The following ELAVL4 variants were observed in gnomAD, a reference collection of about 807,000 sequenced individuals.
The protein encoded by ELAVL4 is ELAV-like protein 4.
ELAVL4 carries 1 observed loss-of-function variant against 35.6 expected under a neutral mutation model. The ratio of observed to expected loss-of-function variants is 0.03; its 90% CI spans 0.01 to 0.13. The LOEUF is 0.13. ELAVL4 is among the 10% of genes least tolerant of loss of function. The pLI, the probability that ELAVL4 is intolerant of heterozygous loss-of-function variation, is 1.00. For synonymous variants in ELAVL4, 156 were observed against 171.0 expected, an observed-to-expected ratio of 0.91 and a Z score of 0.69; for missense variants, 267 against 464.9, an observed-to-expected ratio of 0.57 and a Z score of 3.91.
chr1:50,114,960 C>T (rs1667697699), intron 1 of ELAVL4: 2 of 152,054 alleles, frequency 1.3e-5, no homozygotes, highest in African/African-American at 4.8e-5. Context: ...TATGCTTTCC[C>T]TTGCACATTA....
chr1:50,147,004 G>A (rs538950682), intron 2 of ELAVL4, among the ~76,000 whole-genome samples: 1 of 152,148 alleles, frequency 6.6e-6, no homozygotes, highest in South Asian at 2.1e-4. Context: ...GAATAGGAGT[G>A]ACAGCTTCGA....
chr1:50,071,853 G>A (rs1337981195), intron 1 of ELAVL4, among the ~76,000 whole-genome samples: 1 of 152,006 alleles, frequency 6.6e-6, no homozygotes, highest in East Asian at 1.9e-4. Context: ...ACCACATAAG[G>A]GTGTTGAAAA....
At chr1:50,172,138 G>T (rs1679119948) in intron 2 of ELAVL4, among the ~76,000 whole-genome samples, 1 of 152,144 alleles carries the variant, frequency 6.6e-6, no homozygotes, top group Non-Finnish European at 1.5e-5. Context: ...AAATGCTGAG[G>T]TTCTTTCTGG....
In ELAVL4 at chr1:50,109,019, C is replaced by CGGGGGG; in HGVS notation, c.-171_-170insGGGGGG. 7 of 531,376 alleles carry CGGGGGG rather than the reference C, an allele frequency of 1.3e-5. No homozygotes were observed. The highest frequency in any genetic ancestry group is 2.3e-5 in the African/African-American group (1 of 44,080). The allele number at this position is 531,376 out of a possible 1,614,324, so 32.9% of individuals were successfully genotyped here. ...CTTTTCTTTTTTTTCTTTCTCTCCC[C>CGGGGGG]CGCCCACCCCCCCAAAAATAATTGA... On this transcript the variant is annotated 5_prime_UTR_variant, in exon 1 of 7. Transcript: ENST00000371824.
intron 3 of ELAVL4, chr1:50,181,051 A>G (rs1467813860): frequency 6.6e-6 from 1 of 152,160 alleles, no homozygotes; most frequent in African/African-American, 2.4e-5. Context: ...TATACAGGTG[A>G]GGAAACTGAG....
chr1:50,092,597 C>T (rs1665544354), intron 1 of ELAVL4, among the ~76,000 whole-genome samples: 1 of 152,188 alleles, frequency 6.6e-6, no homozygotes, highest in Non-Finnish European at 1.5e-5. Context: ...ATTATGTACT[C>T]TTGCCTTATT....
intron 1 of ELAVL4, among the ~76,000 whole-genome samples, chr1:50,111,027 A>G (rs1251609604): frequency 6.6e-6 from 1 of 152,070 alleles, no homozygotes; most frequent in Admixed American, 6.6e-5. Context: ...GGCCAGCCCA[A>G]CTTTAATTAT....
chr1:50,181,978 C>A (rs1054343526), intron 3 of ELAVL4, among the ~76,000 whole-genome samples: 1 of 152,214 alleles, frequency 6.6e-6, no homozygotes, highest in Admixed American at 6.5e-5. Context: ...CCACCGCGCC[C>A]GGCTAGCTTT....
intron 1 of ELAVL4, among the ~76,000 whole-genome samples, chr1:50,067,686 A>G (rs918147050): frequency 6.6e-6 from 1 of 152,184 alleles, no homozygotes; most frequent in Non-Finnish European, 1.5e-5. Context: ...TGTAAATAAC[A>G]AGCTTATTGT....
At chr1:50,153,755 T>C (rs762890908) in intron 2 of ELAVL4, among the ~76,000 whole-genome samples, 1 of 152,142 alleles carries the variant, frequency 6.6e-6, no homozygotes, top group Non-Finnish European at 1.5e-5. Context: ...AATGTAATAG[T>C]TTTTGGAGAT....
intron 1 of ELAVL4, among the ~76,000 whole-genome samples, chr1:50,129,051 C>A (rs1248945960): frequency 1.3e-5 from 2 of 152,078 alleles, no homozygotes; most frequent in Non-Finnish European, 2.9e-5. Context: ...AACGTACTTA[C>A]AAAATCCTCT....
At chr1:50,110,303 C>T (rs1020317863) in intron 1 of ELAVL4, among the ~76,000 whole-genome samples, 1 of 151,978 alleles carries the variant, frequency 6.6e-6, no homozygotes, top group Admixed American at 6.6e-5. Flanking sequence ...GAGCCTTCAA[C>T]GGAATTACAC....
At chr1:50,073,633 GATACACACACAC>G (rs1436299685) in intron 1 of ELAVL4, among the ~76,000 whole-genome samples, 11 of 151,936 alleles carry the variant, frequency 7.2e-5, no homozygotes, top group Non-Finnish European at 1.0e-4. Context: ...CCTTTTAGTG[GATACACACACAC>G]ATGCACAAAC....
chr1:50,197,551 A>G, intron 6 of ELAVL4, 84 bp downstream of exon 6: 1 of 1,231,430 alleles, frequency 8.1e-7, no homozygotes, highest in South Asian at 2.0e-5. Flanking sequence ...CACTAACTTT[A>G]CTTTAAAAGA....
intron 2 of ELAVL4, 73 bp downstream of exon 2, chr1:50,145,270 G>C (rs1322641414): frequency 6.3e-7 from 1 of 1,593,386 alleles, no homozygotes; most frequent in Non-Finnish European, 8.6e-7. Flanking sequence ...ATGTGTGATG[G>C]TGCACCTGAA....
At position 50,092,744 on chromosome 1, in the gene ELAVL4, G is replaced by A. The variant is rs372474657; in HGVS notation, c.18+44562G>A. ...TCAAGCAGTGAGCCCAAGAGAATAT[G>A]AGCAGGATGTAGCACCATGAGAGGA... On this transcript the variant is annotated intron_variant, in intron 1 of 6. Coordinates refer to the ELAVL4 transcript ENST00000448907. 2.3e-4 allele frequency among the ~76,000 whole-genome samples: 35 copies of A among 152,292 alleles called. 1 individual carries two copies. In the East Asian group the frequency reaches 4.6e-3, roughly 20 times the overall value.
intron 1 of ELAVL4, among the ~76,000 whole-genome samples, chr1:50,055,181 G>A (rs1017421685): frequency 7.2e-5 from 11 of 152,072 alleles, no homozygotes; most frequent in African/African-American, 2.7e-4. Flanking sequence ...TGGAGAAGTT[G>A]GATGACTTGC....
chr1:50,164,336 G>A (rs1372292134), intron 2 of ELAVL4, among the ~76,000 whole-genome samples: 3 of 152,198 alleles, frequency 2.0e-5, no homozygotes, highest in East Asian at 3.9e-4. Context: ...TGGGGCTCTC[G>A]CTACCTCACA....
intron 2 of ELAVL4, among the ~76,000 whole-genome samples, chr1:50,176,029 A>G (rs1679973446): frequency 6.6e-6 from 1 of 152,208 alleles, no homozygotes; most frequent in Non-Finnish European, 1.5e-5. Flanking sequence ...TGTGTTTCTT[A>G]AAGGGTATGT....
Sources: gnomAD v4.1 joint callset for allele counts (sites outside exome capture counted in the v4.1 genomes callset) on GRCh38, gnomAD v4.1.1 for gene constraint, MANE v1.5 for transcripts, NCBI Gene and HGNC (gene_info 2026-07-23, HGNC 2026-07-21) for gene names.